BCL2: variants seen among roughly 807,000 people sequenced by gnomAD.
The protein encoded by BCL2 is BCL2 apoptosis regulator, also known as apoptosis regulator Bcl-2.
Under a neutral mutation model 14.2 loss-of-function variants are expected in BCL2, and 1 was observed. That is an observed-to-expected ratio of 0.07 (90% confidence interval 0.02 to 0.33). The LOEUF (loss-of-function observed/expected upper bound fraction) is 0.33. Ranked by LOEUF, BCL2 falls within the 10% of genes least tolerant of loss-of-function variation. The probability of loss-of-function intolerance (pLI) is 0.99; values close to 1 mark genes in which losing one functional copy is unlikely to be tolerated. For synonymous variants in BCL2, 151 were observed against 137.2 expected (o/e 1.10, Z -0.70); for missense variants, 247 against 305.9 (o/e 0.81, Z 1.44).
chr18:63,190,363 C>T (rs1020233109), intron 2 of BCL2, among the ~76,000 whole-genome samples: 11 of 152,242 alleles, frequency 7.2e-5, no homozygotes, highest in Admixed American at 2.0e-4. Flanking sequence ...AAATGATAGC[C>T]CATTCTTTAT....
Position 63,127,851 on chromosome 18 carries a change from T to A in BCL2, c.*774A>T. 1 of 224,790 alleles carries A rather than the reference T, an allele frequency of 4.4e-6. No individual in the cohort carries two copies. Among genetic ancestry groups the A allele is most frequent in the Non-Finnish European group, 8.9e-6 (1 of 112,400 alleles). 13.9% of individuals were successfully genotyped at this position (224,790 alleles called of 1,614,324 possible). A position where few individuals can be genotyped will look rare whatever the true frequency, so the allele number is the denominator to read the frequency against. On this transcript the variant is annotated 3_prime_UTR_variant, in exon 3 of 3. Transcript: ENST00000333681. ...TATACACAATCAGGGCTTAAGGTAC[T>A]GGATGATATTGTATAAATTGCTAAA...
At chr18:63,132,926 C>G (rs1467177555) in intron 2 of BCL2, among the ~76,000 whole-genome samples, 2 of 152,234 alleles carry the variant, frequency 1.3e-5, no homozygotes, top group African/African-American at 4.8e-5. Flanking sequence ...GTGTCCCTTG[C>G]TCATGTCAGG....
rs368353761 is a variant in BCL2 at position 63,228,957 on chromosome 18, G to A, written c.585+89125C>T. On this transcript the variant is annotated intron_variant, in intron 2 of 2. Transcript: ENST00000333681. ...ACTCCTGACCTTGAGTGATCTGCCC[G>A]CCTCTGCCTCCCAAAGTGCTGGGAT... 3.4e-4 allele frequency among the ~76,000 whole-genome samples: 52 copies of A among 152,296 alleles called. No individual in the cohort carries two copies. In the South Asian group the frequency reaches 9.1e-3, roughly 27 times the overall value.
chr18:63,168,816 G>A (rs1243467674), intron 2 of BCL2, among the ~76,000 whole-genome samples: 1 of 152,200 alleles, frequency 6.6e-6, no homozygotes, highest in East Asian at 1.9e-4. Flanking sequence ...CATGTTGTAG[G>A]AAGAGAAAAG....
At chr18:63,175,494 C>T (rs1288855980) in intron 2 of BCL2, among the ~76,000 whole-genome samples, 1 of 152,202 alleles carries the variant, frequency 6.6e-6, no homozygotes, top group Non-Finnish European at 1.5e-5. Context: ...AGCTGGGCAA[C>T]CTAGGTGAAT....
chr18:63,242,196 T>G (rs2144193989), intron 2 of BCL2, among the ~76,000 whole-genome samples: 1 of 152,344 alleles, frequency 6.6e-6, no homozygotes, highest in Middle Eastern at 3.4e-3. Context: ...GGATGAATTC[T>G]GTGCCTTAAG....
intron 2 of BCL2, among the ~76,000 whole-genome samples, chr18:63,245,814 T>C (rs1386219062): frequency 1.3e-5 from 2 of 152,208 alleles, no homozygotes; most frequent in Non-Finnish European, 2.9e-5. Context: ...TCTATAATTA[T>C]TGCAAAATAA....
chr18:63,182,889 G>A (rs1360819464), intron 2 of BCL2, among the ~76,000 whole-genome samples: 1 of 152,220 alleles, frequency 6.6e-6, no homozygotes, highest in African/African-American at 2.4e-5. Flanking sequence ...GATTCCTGCT[G>A]TAAGACAGAC....
chr18:63,262,602 G>C (rs1310915357), intron 2 of BCL2, among the ~76,000 whole-genome samples: 4 of 152,156 alleles, frequency 2.6e-5, no homozygotes, highest in Non-Finnish European at 4.4e-5. Context: ...GGTCAGGCTG[G>C]AGGATTGGGT....
At chr18:63,263,710 G>T (rs1911729175) in intron 2 of BCL2, among the ~76,000 whole-genome samples, 1 of 152,212 alleles carries the variant, frequency 6.6e-6, no homozygotes, top group African/African-American at 2.4e-5. Context: ...TGGGAAACCA[G>T]GTCCCCTGGA....
intron 2 of BCL2, among the ~76,000 whole-genome samples, chr18:63,182,569 C>T (rs899127758): frequency 2.0e-5 from 3 of 152,154 alleles, no homozygotes; most frequent in Admixed American, 6.5e-5. Flanking sequence ...GGGTGGGTGA[C>T]AGGAAGAAGA....
chr18:63,281,693 A>C (rs983235073), intron 2 of BCL2, among the ~76,000 whole-genome samples: 21 of 145,176 alleles, frequency 1.4e-4, no homozygotes, highest in South Asian at 4.5e-4. Context: ...AGAAAGAAAG[A>C]AAGAAAGAAA....
At chr18:63,167,098 A>G (rs1019092324) in intron 2 of BCL2, among the ~76,000 whole-genome samples, 1 of 152,184 alleles carries the variant, frequency 6.6e-6, no homozygotes, top group Non-Finnish European at 1.5e-5. Context: ...TTCTGTTTTG[A>G]ATGGGTTTTA....
At chr18:63,260,179 TAAC>T (rs962781587) in intron 2 of BCL2, among the ~76,000 whole-genome samples, 1 of 152,166 alleles carries the variant, frequency 6.6e-6, no homozygotes, top group African/African-American at 2.4e-5. Context: ...CAGAAAAGCC[TAAC>T]AACACTGTAG....
chr18:63,133,660 G>A (rs1914132645), intron 2 of BCL2, among the ~76,000 whole-genome samples: 1 of 152,134 alleles, frequency 6.6e-6, no homozygotes, highest in African/African-American at 2.4e-5. Flanking sequence ...AAGAATGGAA[G>A]AGAAGGTTAA....
intron 2 of BCL2, among the ~76,000 whole-genome samples, chr18:63,144,991 C>G (rs1236669386): frequency 6.6e-6 from 1 of 152,204 alleles, no homozygotes; most frequent in African/African-American, 2.4e-5. Flanking sequence ...CGTGCCATCT[C>G]AAGAGTATTT....
At chr18:63,247,931 A>T (rs1350945290) in intron 2 of BCL2, among the ~76,000 whole-genome samples, 1 of 152,242 alleles carries the variant, frequency 6.6e-6, no homozygotes, top group Non-Finnish European at 1.5e-5. Flanking sequence ...AAGGAAAAAA[A>T]AATTCCCCCA....
At chr18:63,141,964 C>T (rs769063498) in intron 2 of BCL2, among the ~76,000 whole-genome samples, 16 of 152,198 alleles carry the variant, frequency 1.1e-4, no homozygotes, top group Non-Finnish European at 1.6e-4. Flanking sequence ...CATGAAAATA[C>T]GCCAAAAATG....
intron 2 of BCL2, among the ~76,000 whole-genome samples, chr18:63,270,442 T>C (rs766752402): frequency 6.6e-6 from 1 of 152,112 alleles, no homozygotes; most frequent in Non-Finnish European, 1.5e-5. Context: ...CATTCCAAAA[T>C]GCATTTAAAA....
Sources: allele counts gnomAD v4.1 joint callset (sites outside exome capture counted in the v4.1 genomes callset), GRCh38; gene constraint gnomAD v4.1.1; transcripts MANE v1.5; gene names NCBI Gene and HGNC (gene_info 2026-07-23, HGNC 2026-07-21).